The following MEGF11 variants were observed in gnomAD, a reference collection of about 807,000 sequenced individuals.
MEGF11 encodes multiple EGF like domains 11, also known as multiple epidermal growth factor-like domains protein 11.
In MEGF11, 126 loss-of-function variants were observed where a neutral mutation model predicts 146.6. The observed-to-expected ratio is 0.86, with a 90% CI of 0.74 to 1.00. The LOEUF (loss-of-function observed/expected upper bound fraction) is 1.00. Among genes scored for constraint, MEGF11 ranks in the 50% least tolerant of loss-of-function variants. The pLI is 0.00. For synonymous variants in MEGF11, 532 were observed against 583.4 expected, an observed-to-expected ratio of 0.91 and a Z score of 1.27; for missense variants, 1,509 against 1,521.2, an observed-to-expected ratio of 0.99 and a Z score of 0.13.
intron 5 of MEGF11, among the ~76,000 whole-genome samples, chr15:66,071,159 G>A (rs989902806): frequency 2.0e-5 from 3 of 151,904 alleles, no homozygotes; most frequent in Admixed American, 6.6e-5. Flanking sequence ...CTCCCTCCCC[G>A]CCCTCACCTC....
chr15:66,107,060 C>CCCT (rs111544754), intron 4 of MEGF11, among the ~76,000 whole-genome samples: 27 of 150,840 alleles, frequency 1.8e-4, no homozygotes, highest in Middle Eastern at 3.4e-3. Context: ...TCCTACCCCC[C>CCCT]CACCAGGTAT....
At position 65,895,439 on chromosome 15, in the gene MEGF11, A is replaced by T. The variant is rs1382995141; in HGVS notation, c.*2495T>A. ...TCTGTACAATAATGGTTTTTCTTTC[A>T]TTCATTTTAATTGTACACATATTAA... is the stretch of plus-strand genomic sequence containing the variant. On this transcript the variant is annotated 3_prime_UTR_variant, in exon 26 of 26. Transcript: ENST00000395614. 6.6e-6 allele frequency: 1 copy of T among 152,590 alleles called. No homozygotes were observed. Among genetic ancestry groups the T allele is most frequent in the East Asian group, 1.9e-4 (1 of 5,194 alleles). The allele number at this position is 152,590 out of a possible 1,614,324, so 9.5% of individuals were successfully genotyped here.
intron 24 of MEGF11, among the ~76,000 whole-genome samples, 176 bp from the exon 25 acceptor site, chr15:65,899,110 A>G (rs1041871695): frequency 1.3e-5 from 2 of 152,240 alleles, no homozygotes; most frequent in Non-Finnish European, 2.9e-5. Flanking sequence ...CCAGGTAGGC[A>G]GAGTTCTTTT....
intron 1 of MEGF11, among the ~76,000 whole-genome samples, chr15:66,250,458 C>T (rs983461956): frequency 6.6e-6 from 1 of 152,214 alleles, no homozygotes; most frequent in Admixed American, 6.5e-5. Flanking sequence ...GTCAGCATCA[C>T]AAGGTATGGG....
At chr15:66,181,148 A>G (rs989579108) in intron 1 of MEGF11, among the ~76,000 whole-genome samples, 3 of 152,262 alleles carry the variant, frequency 2.0e-5, no homozygotes, top group African/African-American at 7.2e-5. Context: ...GGCAAAAATT[A>G]GATACAATGT....
intron 1 of MEGF11, among the ~76,000 whole-genome samples, chr15:66,214,238 T>C (rs960255866): frequency 2.0e-5 from 3 of 152,094 alleles, no homozygotes; most frequent in Non-Finnish European, 4.4e-5. Context: ...TTTCACCATG[T>C]TGGCCAGGCT....
chr15:65,916,057 CTGAG>C (rs1337905336), intron 18 of MEGF11, 87 bp downstream of exon 18: 1 of 1,440,974 alleles, frequency 6.9e-7, no homozygotes, highest in African/African-American at 1.4e-5. Flanking sequence ...GTACAGAGCC[CTGAG>C]TGAGTGGACC....
intron 6 of MEGF11, among the ~76,000 whole-genome samples, chr15:65,981,408 G>A (rs1489118036): frequency 3.9e-5 from 6 of 152,216 alleles, no homozygotes; most frequent in Admixed American, 3.9e-4. Flanking sequence ...TGCAGGGACT[G>A]GGTGCTGTTG....
rs146349165 is a variant in MEGF11 at position 66,126,230 on chromosome 15, C to T, written c.98+2076G>A. 2.5e-4 allele frequency among the ~76,000 whole-genome samples: 38 copies of T among 152,300 alleles called. No individual in the cohort carries two copies. In the East Asian group the frequency reaches 7.2e-3, roughly 29 times the overall value. The stretch of plus-strand genomic sequence containing the variant: ...ACCGGGGTGTGTTTCTGGAACAACA[C>T]AGGCTAGATCCCTCCACATATAACT... On this transcript the variant is annotated intron_variant, in intron 2 of 25. Coordinates refer to ENST00000395614, the MANE Select transcript of MEGF11 (RefSeq NM_001385028.1).
chr15:66,211,988 T>G (rs2091467176), intron 1 of MEGF11, among the ~76,000 whole-genome samples: 1 of 518 alleles, frequency 1.9e-3, no homozygotes, highest in Non-Finnish European at 3.5e-3. Context: ...CCACCAGAAT[T>G]TCTCTCAAAA....
At chr15:66,209,842 T>TCCTCTCTTC (rs2091399203) in intron 1 of MEGF11, among the ~76,000 whole-genome samples, 1 of 152,048 alleles carries the variant, frequency 6.6e-6, no homozygotes, top group African/African-American at 2.4e-5. Context: ...TTTTTTTTTT[T>TCCTCTCTTC]TCCTCTCTTC....
intron 7 of MEGF11, among the ~76,000 whole-genome samples, chr15:65,976,978 T>C (rs181532687): frequency 1.3e-5 from 2 of 151,998 alleles, no homozygotes; most frequent in East Asian, 3.9e-4. Context: ...GACCGTCCTG[T>C]CTAACACGGT....
intron 5 of MEGF11, among the ~76,000 whole-genome samples, chr15:65,992,694 G>C (rs1251021204): frequency 6.6e-6 from 1 of 151,556 alleles, no homozygotes; most frequent in Non-Finnish European, 1.5e-5. Flanking sequence ...ATCTGCTCTG[G>C]ATGTAGAATG....
At chr15:65,980,686 C>A in intron 7 of MEGF11, 92 bp downstream of exon 7, 1 of 1,436,230 alleles carries the variant, frequency 7.0e-7, no homozygotes, top group Non-Finnish European at 9.2e-7. Context: ...GTCACGAGTA[C>A]CATGCCCGGC....
chr15:65,922,993 G>T lies in MEGF11; in HGVS notation c.1676-24C>A, dbSNP rs747023312. On this transcript the variant is annotated intron_variant, in intron 13 of 25. Transcript: ENST00000395614. ...GCCTGTGGGCCAGAGGCAGACTCGG[G>T]TCAGTGGTAAGAGAGGTGAGGATGA... The T allele has an allele frequency of 1.4e-5, 23 of 1,609,478 alleles. 1 individual carries two copies. The South Asian group carries it at 2.4e-4, about 17-fold the overall frequency.
chr15:66,206,066 T>TGAA (rs1183014794), intron 1 of MEGF11, among the ~76,000 whole-genome samples: 2 of 151,614 alleles, frequency 1.3e-5, no homozygotes, highest in Non-Finnish European at 2.9e-5. Context: ...TTGAAACAAA[T>TGAA]GAACGAAACA....
intron 5 of MEGF11, among the ~76,000 whole-genome samples, chr15:66,055,743 A>G (rs1235528575): frequency 6.6e-6 from 1 of 152,208 alleles, no homozygotes; most frequent in African/African-American, 2.4e-5. Flanking sequence ...TAGTTATTAA[A>G]TCACAATGGT....
At chr15:66,190,483 G>A (rs2090839510) in intron 1 of MEGF11, among the ~76,000 whole-genome samples, 1 of 152,204 alleles carries the variant, frequency 6.6e-6, no homozygotes, top group South Asian at 2.1e-4. Flanking sequence ...GGAAACAGGA[G>A]GAGGGGGCAG....
intron 4 of MEGF11, among the ~76,000 whole-genome samples, chr15:66,111,187 G>C (rs1034240468): frequency 6.6e-6 from 1 of 152,216 alleles, no homozygotes; most frequent in Non-Finnish European, 1.5e-5. Context: ...CTGAGCAGAT[G>C]ATATACTGCA....
Sources: gnomAD v4.1 joint callset for allele counts (sites outside exome capture counted in the v4.1 genomes callset) on GRCh38, gnomAD v4.1.1 for gene constraint, MANE v1.5 for transcripts, NCBI Gene and HGNC (gene_info 2026-07-23, HGNC 2026-07-21) for gene names.